PPFIA2: variants seen among roughly 807,000 people sequenced by gnomAD.
The protein encoded by PPFIA2 is liprin-alpha-2.
Under a neutral mutation model 175.5 loss-of-function variants are expected in PPFIA2, and 46 were observed. That is an observed-to-expected ratio of 0.26 (90% CI 0.21 to 0.34). The LOEUF (loss-of-function observed/expected upper bound fraction) is 0.34. Ranked by LOEUF, PPFIA2 falls within the 10% of genes least tolerant of loss-of-function variation. PPFIA2 has a pLI of 1.00. For missense variants in PPFIA2, 1,179 were observed against 1,506.1 expected (o/e 0.78, Z 3.60); for synonymous variants, 568 against 511.4 (o/e 1.11, Z -1.49).
At chr12:81,320,550 T>A (rs905414880) in intron 22 of PPFIA2, among the ~76,000 whole-genome samples, 2 of 152,056 alleles carry the variant, frequency 1.3e-5, no homozygotes, top group African/African-American at 2.4e-5. Flanking sequence ...AACTAAAGAT[T>A]GAAAATGATA....
intron 3 of PPFIA2, among the ~76,000 whole-genome samples, chr12:81,722,853 C>T (rs2079532554): frequency 6.6e-6 from 1 of 151,088 alleles, no homozygotes; most frequent in South Asian, 2.1e-4. Context: ...GCACGCTGTG[C>T]TACCTTCATA....
intron 4 of PPFIA2, among the ~76,000 whole-genome samples, chr12:81,478,968 T>C (rs932663274): frequency 6.6e-6 from 1 of 152,282 alleles, no homozygotes; most frequent in East Asian, 1.9e-4. Flanking sequence ...GTCCTGAATA[T>C]CCTTATTAAT....
chr12:81,630,026 T>C (rs976956264), intron 4 of PPFIA2, among the ~76,000 whole-genome samples: 12 of 151,314 alleles, frequency 7.9e-5, no homozygotes, highest in African/African-American at 2.9e-4. Context: ...GGTGAGAGAG[T>C]GATTTGAAGA....
At chr12:81,668,743 G>A (rs1177037794) in intron 4 of PPFIA2, among the ~76,000 whole-genome samples, 1 of 151,982 alleles carries the variant, frequency 6.6e-6, no homozygotes, top group Non-Finnish European at 1.5e-5. Context: ...ATTATTACAA[G>A]TCTGTGGTGA....
At chr12:81,675,182 G>A (rs1394291310) in intron 4 of PPFIA2, among the ~76,000 whole-genome samples, 1 of 148,710 alleles carries the variant, frequency 6.7e-6, no homozygotes, top group East Asian at 2.0e-4. Flanking sequence ...TATATAGATT[G>A]ATATACTATA....
chr12:81,540,846 G>A (rs1360342553), intron 4 of PPFIA2, among the ~76,000 whole-genome samples: 1 of 151,898 alleles, frequency 6.6e-6, no homozygotes, highest in Non-Finnish European at 1.5e-5. Flanking sequence ...CTATCATTAA[G>A]ATTTAAGAAG....
At chr12:81,513,796 A>G (rs1419167465) in intron 4 of PPFIA2, among the ~76,000 whole-genome samples, 1 of 152,048 alleles carries the variant, frequency 6.6e-6, no homozygotes, top group Non-Finnish European at 1.5e-5. Flanking sequence ...TTCTCTGAAG[A>G]TCATTGTCAT....
intron 30 of PPFIA2, among the ~76,000 whole-genome samples, chr12:81,264,553 A>G (rs988456946): frequency 6.6e-6 from 1 of 152,184 alleles, no homozygotes; most frequent in Non-Finnish European, 1.5e-5. Context: ...ATTTGGAATA[A>G]TAAGTCTATA....
chr12:81,267,923 G>T lies in PPFIA2; in HGVS notation c.3475C>A (p.Gln1159Lys). 1 of 1,592,426 alleles carries T rather than the reference G, an allele frequency of 6.3e-7. No individual in the cohort carries two copies. Among genetic ancestry groups the T allele is most frequent in the Non-Finnish European group, 8.6e-7 (1 of 1,168,194 alleles). The change falls in exon 29 of 33, where the codon CAG becomes AAG. Residue 1159 changes from glutamine (Q) to lysine (K), a missense_variant. Gln to Lys is a moderately conservative substitution (Grantham distance 53). This residue lies in a region of PPFIA2 where 245 missense variants were observed against 375.1 expected (regional missense o/e 0.65). Transcript: ENST00000549396. ...SLALLLQIPTQNTQARQILER... is the reference protein window; with the variant it reads ...SLALLLQIPTKNTQARQILER... The stretch of plus-strand genomic sequence containing the variant: ...AGAAAGTGACTTGCCTGGGTGTTCT[G>T]TGTTGGAATCTGTAATAATAAAGCT...
intron 22 of PPFIA2, among the ~76,000 whole-genome samples, chr12:81,300,091 G>T (rs576344744): frequency 3.3e-5 from 5 of 152,226 alleles, no homozygotes; most frequent in African/African-American, 4.8e-5. Flanking sequence ...AACAAAAGAT[G>T]CAAAAGAACT....
At chr12:81,320,481 G>A (rs920787855) in intron 22 of PPFIA2, among the ~76,000 whole-genome samples, 1 of 151,896 alleles carries the variant, frequency 6.6e-6, no homozygotes, top group African/African-American at 2.4e-5. Flanking sequence ...CTTTAGCAGT[G>A]TTAACCATTC....
intron 4 of PPFIA2, among the ~76,000 whole-genome samples, chr12:81,623,413 G>T (rs1415703851): frequency 1.3e-5 from 2 of 151,916 alleles, no homozygotes; most frequent in African/African-American, 2.4e-5. Flanking sequence ...AATATCTTAG[G>T]CAATTTTCAT....
chr12:81,397,839 T>A (rs1181844351), intron 8 of PPFIA2, among the ~76,000 whole-genome samples: 1 of 151,962 alleles, frequency 6.6e-6, no homozygotes, highest in Non-Finnish European at 1.5e-5. Flanking sequence ...CTACTTTCTG[T>A]AAGATCAGCG....
intron 4 of PPFIA2, among the ~76,000 whole-genome samples, chr12:81,562,126 T>C (rs1376112793): frequency 6.6e-6 from 1 of 152,168 alleles, no homozygotes; most frequent in African/African-American, 2.4e-5. Context: ...TCAGATCTAG[T>C]TTTATAGGTC....
rs1268305689 is a variant in PPFIA2 at position 81,585,907 on chromosome 12, A to G, written c.303+90884T>C. On this transcript the variant is annotated intron_variant, in intron 4 of 32. Coordinates refer to ENST00000549396, the MANE Select transcript of PPFIA2 (RefSeq NM_003625.5). Reference sequence around the variant, plus strand: ...GCATAGTAGGTTTGTTTACACTAGCATCACCACCAGCATGATGCATTGTGC... The same window carrying G: ...GCATAGTAGGTTTGTTTACACTAGCGTCACCACCAGCATGATGCATTGTGC... Among the ~76,000 whole-genome samples the G allele has an allele frequency of 2.0e-5, 3 of 151,952 alleles. No homozygotes were observed. The Admixed American group carries it at 2.0e-4, about 10-fold the overall frequency.
intron 3 of PPFIA2, among the ~76,000 whole-genome samples, chr12:81,701,915 T>TAAAAAAAAAAAAA (rs748051152): frequency 2.4e-5 from 2 of 84,170 alleles, no homozygotes; most frequent in South Asian, 4.3e-4. Flanking sequence ...ATGGGAAGAC[T>TAAAAAAAAAAAAA]AAAAAAAAAA....
intron 4 of PPFIA2, among the ~76,000 whole-genome samples, chr12:81,671,610 T>G (rs949516696): frequency 4.6e-5 from 7 of 151,976 alleles, no homozygotes; most frequent in Middle Eastern, 3.4e-3. Flanking sequence ...GTTTAAAGAC[T>G]TCAATGCTTC....
In PPFIA2 at chr12:81,508,967, C is replaced by T. The variant is rs186627744; in HGVS notation, c.304-51101G>A. Reference sequence around the variant, plus strand: ...TGGAACCAACCCAAATGTCCAACAACGATAGACTGGATTAAGAAAATGTGG... The same window carrying T: ...TGGAACCAACCCAAATGTCCAACAATGATAGACTGGATTAAGAAAATGTGG... On this transcript the variant is annotated intron_variant, in intron 4 of 32. Transcript: ENST00000549396. 7.5e-3 allele frequency among the ~76,000 whole-genome samples: 1,142 copies of T among 152,014 alleles called. 13 individuals are homozygous for T. The highest frequency in any genetic ancestry group is 0.025 in the African/African-American group (1,049 of 41,442).
chr12:81,260,910 T>C (rs569117857), intron 32 of PPFIA2: 26 of 152,360 alleles, frequency 1.7e-4, no homozygotes, highest in Non-Finnish European at 3.2e-4. Flanking sequence ...AAAAAAATTA[T>C]GAACATTTGA....
Sources: allele counts gnomAD v4.1 joint callset (sites outside exome capture counted in the v4.1 genomes callset), GRCh38; gene constraint gnomAD v4.1.1; regional missense constraint gnomAD v4.1.1; transcripts MANE v1.5; gene names NCBI Gene and HGNC (gene_info 2026-07-23, HGNC 2026-07-21).